The following ZER1 variants were observed in gnomAD, a reference collection of about 807,000 sequenced individuals.
ZER1 encodes protein zer-1 homolog.
In ZER1, 11 loss-of-function variants were observed where a neutral mutation model predicts 78.8. The ratio of observed to expected loss-of-function variants is 0.14; its 90% confidence interval spans 0.09 to 0.23. ZER1 has a LOEUF of 0.23. ZER1 is among the 10% of genes least tolerant of loss of function. ZER1 has a pLI of 1.00. For synonymous variants in ZER1, 400 were observed against 407.0 expected (o/e 0.98, Z 0.21); for missense variants, 588 against 996.9 (o/e 0.59, Z 5.52).
chr9:128,738,277 C>T (rs927064471), intron 13 of ZER1, among the ~76,000 whole-genome samples: 11 of 141,208 alleles, frequency 7.8e-5, no homozygotes, highest in Admixed American at 7.4e-4. Flanking sequence ...ATTTCCTGAC[C>T]TCATGATCTG....
At position 128,753,867 on chromosome 9, in the gene ZER1, C is replaced by T. The variant is rs369424408; in HGVS notation, c.251G>A (p.Arg84Gln). The change falls in exon 3 of 16, where the codon CGG (arginine) becomes CAG (glutamine). Residue 84 changes from arginine to glutamine, a missense_variant. By Grantham distance (43) the Arg-to-Gln change is conservative. Around this residue, in one of 3 missense-constraint regions of ZER1, gnomAD observed 406 missense variants for 660.1 expected, o/e 0.62. Coordinates refer to ENST00000291900, the MANE Select transcript of ZER1 (RefSeq NM_006336.4). This position sits in a 1 kb window ranked among gnomAD's most constrained non-coding sequence, Gnocchi z 7.5. ...FSDPRSTRLTRIHLREDLVQD... is the reference protein window; with the variant it reads ...FSDPRSTRLTQIHLREDLVQD... ...CACCAGGTCCTCACGGAGGTGGATC[C>T]GCGTGAGGCGGGTGCTGCGGGGGTC... is the stretch of plus-strand genomic sequence containing the variant. The T allele has an allele frequency of 1.2e-5, 19 of 1,603,166 alleles. No individual in the cohort carries two copies. The highest frequency in any genetic ancestry group is 6.7e-5 in the African/African-American group (5 of 74,792).
At chr9:128,734,144 A>AAAAAAAAAAAT in intron 14 of ZER1, among the ~76,000 whole-genome samples, 4 of 14,456 alleles carry the variant, frequency 2.8e-4, no homozygotes, top group African/African-American at 7.5e-4. Context: ...AAAAAAAAAA[A>AAAAAAAAAAAT]ATATATATAT....
rs1451923335 is a variant in ZER1 at position 128,754,860 on chromosome 9, G to T, written c.158+548C>A. 6.6e-6 allele frequency among the ~76,000 whole-genome samples: 1 copy of T among 152,158 alleles called. No individual in the cohort carries two copies. Among genetic ancestry groups the T allele is most frequent in the Non-Finnish European group, 1.5e-5 (1 of 68,024 alleles). ...CTGTAGATTGAACTCCCAGCATTCA[G>T]TGACTGCATAGCATGCTTCTAGGAG... is the stretch of plus-strand genomic sequence containing the variant. On this transcript the variant is annotated intron_variant, in intron 2 of 15. Transcript: ENST00000291900. The surrounding 1 kb of genome is among the most constrained non-coding windows in gnomAD (Gnocchi z 4.3).
In ZER1 at chr9:128,742,863, T is replaced by C. The variant is rs936344305; in HGVS notation, c.1360-118A>G. ...GTTGTGGCAGTCCAGCCCGGTTTTC[T>C]GGAAGAGGAGGCTATACAAGTCTTC... On this transcript the variant is annotated intron_variant, in intron 8 of 15. Transcript: ENST00000291900. 2.6e-5 allele frequency: 27 copies of C among 1,030,570 alleles called. No homozygotes were observed. In the East Asian group the frequency reaches 5.8e-4, roughly 22 times the overall value. The allele number at this position is 1,030,570 out of a possible 1,614,324, so 63.8% of individuals were successfully genotyped here.
At position 128,753,717 on chromosome 9, in the gene ZER1, CTGGCTGGGCTGGGGA is replaced by C. The variant is rs1424200815; in HGVS notation, c.309+77_309+91del. 3 of 1,558,812 alleles carry C rather than the reference CTGGCTGGGCTGGGGA, an allele frequency of 1.9e-6. No individual in the cohort carries two copies. The highest frequency in any genetic ancestry group is 1.9e-5 in the Admixed American group (1 of 53,380). ...GGGATGTGCACAGTCACGGTGCACA[CTGGCTGGGCTGGGGA>C]TGGCTGGGCTGGAGGCGAGCAGCCT... On this transcript the variant is annotated intron_variant, in intron 3 of 15. Coordinates refer to ENST00000291900, the MANE Select transcript of ZER1 (RefSeq NM_006336.4). The surrounding 1 kb of genome is among the most constrained non-coding windows in gnomAD (Gnocchi z 7.5).
intron 1 of ZER1, among the ~76,000 whole-genome samples, chr9:128,760,110 G>A (rs1383863543): frequency 6.6e-6 from 1 of 152,074 alleles, no homozygotes; most frequent in Non-Finnish European, 1.5e-5. Context: ...GAACTCCTGG[G>A]CTCAAGCGAT....
At position 128,732,933 on chromosome 9, in the gene ZER1, G is replaced by T; in HGVS notation, c.2243+493C>A. 6.4e-6 allele frequency: 1 copy of T among 156,234 alleles called. No homozygotes were observed. Among genetic ancestry groups the T allele is most frequent in the Non-Finnish European group, 1.4e-5 (1 of 70,152 alleles). 9.7% of individuals were successfully genotyped at this position (156,234 alleles called of 1,614,324 possible). Reference sequence around the variant, plus strand: ...TGTCCTGATCAACTCGAGAACTGGAGGCGGTGACATTTTAGATGCTGCAGT... The same window carrying T: ...TGTCCTGATCAACTCGAGAACTGGATGCGGTGACATTTTAGATGCTGCAGT... On this transcript the variant is annotated intron_variant, in intron 15 of 15. Transcript: ENST00000291900. This position sits in a 1 kb window ranked among gnomAD's most constrained non-coding sequence, Gnocchi z 4.8.
At chr9:128,768,761 G>C (rs1196743477) in intron 1 of ZER1, among the ~76,000 whole-genome samples, 3 of 152,238 alleles carry the variant, frequency 2.0e-5, no homozygotes, top group Middle Eastern at 3.4e-3. Flanking sequence ...AGGCTGGAAA[G>C]TCTCAGCCTC....
At chr9:128,762,332 A>C (rs1485843908) in intron 1 of ZER1, among the ~76,000 whole-genome samples, 2 of 152,182 alleles carry the variant, frequency 1.3e-5, no homozygotes, top group Non-Finnish European at 2.9e-5. Context: ...ATCCAGCGGG[A>C]AGCCACAGGG....
chr9:128,760,107 T>A (rs1863994976), intron 1 of ZER1, among the ~76,000 whole-genome samples: 1 of 152,192 alleles, frequency 6.6e-6, no homozygotes, highest in South Asian at 2.1e-4. Context: ...CTCGAACTCC[T>A]GGGCTCAAGC....
chr9:128,752,267 GTTTC>G (rs1264326480), intron 5 of ZER1, among the ~76,000 whole-genome samples: 1 of 151,696 alleles, frequency 6.6e-6, no homozygotes, highest in Non-Finnish European at 1.5e-5. Context: ...GACCTGATTT[GTTTC>G]TTTATCTCTA....
rs1172917229 is a variant in ZER1 at position 128,735,757 on chromosome 9, CCTGGTTTTTTTTTTTTTTT to C, written c.2043-345_2043-327del. ...ACCCTGGGAACAGAAGCACGTGTGACCTGGTTTTTTTTTTTTTTTTTTTTTTTTTTTTTTTTGTGAGACG... is the reference window on the plus strand; with the variant it reads ...ACCCTGGGAACAGAAGCACGTGTGACTTTTTTTTTTTTTTTTTGTGAGACG... On this transcript the variant is annotated intron_variant, in intron 13 of 15. Coordinates refer to ENST00000291900, the MANE Select transcript of ZER1 (RefSeq NM_006336.4). Among the ~76,000 whole-genome samples, 11 of 77,368 alleles carry C rather than the reference CCTGGTTTTTTTTTTTTTTT, an allele frequency of 1.4e-4. 1 individual carries two copies. In the South Asian group the frequency reaches 2.5e-3, roughly 18 times the overall value. The allele number at this position is 77,368 out of a possible 152,430, so 50.8% of individuals were successfully genotyped here. A position where few individuals can be genotyped will look rare whatever the true frequency, so the allele number is the denominator to read the frequency against.
At position 128,732,590 on chromosome 9, in the gene ZER1, T is replaced by C. The variant is rs1426142924; in HGVS notation, c.2243+836A>G. Among the ~76,000 whole-genome samples the C allele has an allele frequency of 6.6e-6, 1 of 152,156 alleles. No homozygotes were observed. Among genetic ancestry groups the C allele is most frequent in the East Asian group, 1.9e-4 (1 of 5,194 alleles). Reference sequence around the variant, plus strand: ...TTACCATGTTAGCCAGGTCTCGAACTCCTGACCTCAAGTGATGCACCCACC... The same window carrying C: ...TTACCATGTTAGCCAGGTCTCGAACCCCTGACCTCAAGTGATGCACCCACC... On this transcript the variant is annotated intron_variant, in intron 15 of 15. Transcript: ENST00000291900. This position sits in a 1 kb window ranked among gnomAD's most constrained non-coding sequence, Gnocchi z 4.8.
chr9:128,740,849 T>C lies in ZER1; in HGVS notation c.1776A>G (p.Leu592=), dbSNP rs775558952. The stretch of plus-strand genomic sequence containing the variant: ...CTTCTGCCACATTCCCCAAAAGTCC[T>C]AGCATATTCCTATGCAGTTCCTGCT... The part of the protein sequence containing the change: ...PEKQELHRNM[L]GLLGNVAEVK... Residue 592 remains leucine (L), a synonymous_variant, in exon 12 of 16, where the codon CTA becomes CTG. Coordinates refer to ENST00000291900, the MANE Select transcript of ZER1 (RefSeq NM_006336.4). This position sits in a 1 kb window ranked among gnomAD's most constrained non-coding sequence, Gnocchi z 4.4. 3.8e-6 allele frequency: 3 copies of C among 780,956 alleles called. No individual in the cohort carries two copies. Among genetic ancestry groups the C allele is most frequent in the Non-Finnish European group, 7.2e-6 (3 of 418,132 alleles). The allele number at this position is 780,956 out of a possible 1,614,324, so 48.4% of individuals were successfully genotyped here.
intron 14 of ZER1, 69 bp from the exon 15 acceptor site, chr9:128,733,597 A>G (rs1589512071): frequency 1.4e-6 from 2 of 1,402,812 alleles, no homozygotes; most frequent in African/African-American, 1.4e-5. Context: ...CCAGAAACCC[A>G]CCCTGTCTGT....
At chr9:128,731,416 G>C in intron 15 of ZER1, 22 bp from the exon 16 acceptor site, 1 of 1,163,248 alleles carries the variant, frequency 8.6e-7, no homozygotes, top group South Asian at 1.2e-5. Flanking sequence ...GGGGGAGACA[G>C]GATTGGAGGG....
rs940963611 is a variant in ZER1 at position 128,731,160 on chromosome 9, A to G, written c.*177T>C. 4 of 246,098 alleles carry G rather than the reference A, an allele frequency of 1.6e-5. No individual in the cohort carries two copies. Among genetic ancestry groups the G allele is most frequent in the Non-Finnish European group, 3.0e-5 (4 of 134,572 alleles). The allele number at this position is 246,098 out of a possible 1,614,324, so 15.2% of individuals were successfully genotyped here. A position where few individuals can be genotyped will look rare whatever the true frequency, so the allele number is the denominator to read the frequency against. On this transcript the variant is annotated 3_prime_UTR_variant, in exon 16 of 16. Transcript: ENST00000291900. ...TCCTAACCAAAAAAAAAATATATAT[A>G]TATAATATATATATATCTCACTAAC...
intron 1 of ZER1, among the ~76,000 whole-genome samples, chr9:128,757,235 G>C (rs1307921391): frequency 6.6e-6 from 1 of 152,120 alleles, no homozygotes; most frequent in Non-Finnish European, 1.5e-5. Context: ...TTACCACACA[G>C]AGCCTGGGTG....
intron 1 of ZER1, among the ~76,000 whole-genome samples, chr9:128,771,284 G>A (rs1359157799): frequency 6.6e-6 from 1 of 152,198 alleles, no homozygotes; most frequent in Non-Finnish European, 1.5e-5. Flanking sequence ...ACTTCTCTGG[G>A]GGAACTTAAG....
Sources: gnomAD v4.1 joint callset for allele counts (sites outside exome capture counted in the v4.1 genomes callset) on GRCh38, gnomAD v4.1.1 for gene constraint, gnomAD v4.1.1 regional missense constraint, Gnocchi (gnomAD v3.1) non-coding constraint, MANE v1.5 for transcripts, NCBI Gene and HGNC (gene_info 2026-07-23, HGNC 2026-07-21) for gene names.